Variants in GRIK2 observed in about 807,000 individuals in gnomAD.
The protein encoded by GRIK2 is glutamate ionotropic receptor kainate type subunit 2.
In GRIK2, 32 loss-of-function variants were observed where a neutral mutation model predicts 100.3. That is an observed-to-expected ratio of 0.32 (90% CI 0.24 to 0.43). The LOEUF (loss-of-function observed/expected upper bound fraction) is 0.43. Among genes scored for constraint, GRIK2 ranks in the 20% least tolerant of loss-of-function variants. The pLI is 1.00. For missense variants in GRIK2, 843 were observed against 1,114.9 expected (o/e 0.76, Z 3.47); for synonymous variants, 417 against 389.4 (o/e 1.07, Z -0.83).
At chr6:102,025,777 C>A (rs567201561) in intron 14 of GRIK2, among the ~76,000 whole-genome samples, 1 of 151,302 alleles carries the variant, frequency 6.6e-6, no homozygotes, top group African/African-American at 2.4e-5. Flanking sequence ...AATCTACGCA[C>A]ACACAGTGCG....
At chr6:101,767,573 T>C (rs1778115384) in intron 7 of GRIK2, among the ~76,000 whole-genome samples, 1 of 152,134 alleles carries the variant, frequency 6.6e-6, no homozygotes, top group South Asian at 2.1e-4. Context: ...TGGAAAAATA[T>C]ATTCTTAGAT....
intron 14 of GRIK2, among the ~76,000 whole-genome samples, chr6:101,933,234 A>C (rs571430838): frequency 6.6e-6 from 1 of 151,892 alleles, no homozygotes; most frequent in African/African-American, 2.4e-5. Flanking sequence ...TTGTTATCCA[A>C]CCATGCAAGT....
intron 4 of GRIK2, among the ~76,000 whole-genome samples, chr6:101,652,080 A>G (rs1038184011): frequency 6.6e-6 from 1 of 152,168 alleles, no homozygotes; most frequent in South Asian, 2.1e-4. Flanking sequence ...GTCATTGGCA[A>G]TCTTGCCAAG....
intron 11 of GRIK2, among the ~76,000 whole-genome samples, chr6:101,872,838 T>G (rs1207143761): frequency 6.6e-6 from 1 of 151,964 alleles, no homozygotes; most frequent in Non-Finnish European, 1.5e-5. Context: ...AGAATTTAAA[T>G]CCTTTGAAAG....
intron 10 of GRIK2, among the ~76,000 whole-genome samples, chr6:101,846,983 T>C (rs1196359786): frequency 6.6e-6 from 1 of 152,044 alleles, no homozygotes; most frequent in African/African-American, 2.4e-5. Context: ...ATTTTTTTTT[T>C]CTGTTCTCTC....
chr6:101,483,567 CATTTT>C (rs2128262445), intron 2 of GRIK2, among the ~76,000 whole-genome samples: 1 of 152,002 alleles, frequency 6.6e-6, no homozygotes, highest in African/African-American at 2.4e-5. Context: ...GTTTTTATTT[CATTTT>C]ATTTATTTAT....
At chr6:101,641,528 A>T (rs1346196947) in intron 4 of GRIK2, among the ~76,000 whole-genome samples, 1 of 152,002 alleles carries the variant, frequency 6.6e-6, no homozygotes, top group Non-Finnish European at 1.5e-5. Flanking sequence ...ATTACAAATG[A>T]TGAGCTTTTT....
At chr6:101,477,775 G>T (rs762097001) in intron 2 of GRIK2, among the ~76,000 whole-genome samples, 8 of 152,250 alleles carry the variant, frequency 5.3e-5, no homozygotes, top group African/African-American at 7.2e-5. Flanking sequence ...CATTCTTAGA[G>T]ACTTTTAGAA....
intron 12 of GRIK2, among the ~76,000 whole-genome samples, chr6:101,898,240 T>A (rs954006239): frequency 2.0e-5 from 3 of 151,806 alleles, no homozygotes; most frequent in Non-Finnish European, 4.4e-5. Flanking sequence ...TAATTTTAAC[T>A]TATTATGAAG....
chr6:101,885,295 G>C (rs1400677303), intron 11 of GRIK2, among the ~76,000 whole-genome samples: 2 of 152,028 alleles, frequency 1.3e-5, no homozygotes, highest in Non-Finnish European at 2.9e-5. Context: ...GTGTCTTATA[G>C]AATTCGAATA....
intron 15 of GRIK2, among the ~76,000 whole-genome samples, chr6:102,036,260 C>T (rs577056044): frequency 0.081 from 12,165 of 149,330 alleles, 1,703 homozygotes; most frequent in African/African-American, 0.29. Flanking sequence ...CACACACACA[C>T]ATATATATAT....
intron 2 of GRIK2, among the ~76,000 whole-genome samples, chr6:101,477,998 C>T (rs189693971): frequency 1.2e-4 from 18 of 152,166 alleles, no homozygotes; most frequent in Non-Finnish European, 2.2e-4. Flanking sequence ...CTACATGAAA[C>T]TTAAGTTTAG....
In GRIK2 at chr6:101,481,803, A is replaced by C. The variant is rs760925113; in HGVS notation, c.115+82411A>C. Among the ~76,000 whole-genome samples the C allele has an allele frequency of 2.0e-4, 31 of 152,210 alleles. No homozygotes were observed. In the Middle Eastern group the frequency reaches 0.027, roughly 134 times the overall value. On this transcript the variant is annotated intron_variant, in intron 2 of 16. Coordinates refer to ENST00000369134, the MANE Select transcript of GRIK2 (RefSeq NM_021956.5). The stretch of plus-strand genomic sequence containing the variant: ...TCTCTTCTCCAATTGCAATCCCCGT[A>C]ATCCCCACGTGTCAAGGGGAGGCCA...
chr6:101,952,225 A>G (rs1257869887), intron 14 of GRIK2, among the ~76,000 whole-genome samples: 1 of 152,158 alleles, frequency 6.6e-6, no homozygotes, highest in Admixed American at 6.5e-5. Context: ...AATTCTCTGG[A>G]GGTTCATCCA....
intron 7 of GRIK2, among the ~76,000 whole-genome samples, chr6:101,791,511 T>A (rs1472558702): frequency 6.6e-5 from 10 of 152,260 alleles, no homozygotes; most frequent in South Asian, 2.1e-4. Context: ...CATGTAGTTG[T>A]GCGGTTTTGA....
intron 14 of GRIK2, among the ~76,000 whole-genome samples, chr6:101,984,402 A>T (rs1402647791): frequency 6.6e-6 from 1 of 151,632 alleles, no homozygotes; most frequent in Non-Finnish European, 1.5e-5. Flanking sequence ...CAAGGAAAGA[A>T]TTGTCCCCTC....
chr6:101,550,735 T>C (rs1455799849), intron 2 of GRIK2, among the ~76,000 whole-genome samples: 3 of 152,182 alleles, frequency 2.0e-5, no homozygotes, highest in Admixed American at 2.0e-4. Flanking sequence ...TGCCTGCATA[T>C]ACACTGAAAG....
intron 2 of GRIK2, among the ~76,000 whole-genome samples, chr6:101,533,748 C>T (rs989177460): frequency 2.0e-5 from 3 of 151,918 alleles, no homozygotes; most frequent in Admixed American, 2.0e-4. Flanking sequence ...TGCCTAGGTA[C>T]AAGAGTTCAG....
rs1246485732 is a variant in GRIK2, at chr6:101,687,645, C to T, written c.951+1292C>T. On this transcript the variant is annotated intron_variant, in intron 7 of 16. Coordinates refer to ENST00000369134, the MANE Select transcript of GRIK2 (RefSeq NM_021956.5). ...GAAGAAATGGTTAGCCTAAAGGCAT[C>T]AACTTTCTGATGGAACAAAAAATAC... Among the ~76,000 whole-genome samples the T allele has an allele frequency of 2.0e-5, 3 of 151,808 alleles. No individual in the cohort carries two copies. The East Asian group carries it at 5.8e-4, about 29-fold the overall frequency.
Sources: gnomAD v4.1 joint callset for allele counts (sites outside exome capture counted in the v4.1 genomes callset) on GRCh38, gnomAD v4.1.1 for gene constraint, MANE v1.5 for transcripts, NCBI Gene and HGNC (gene_info 2026-07-23, HGNC 2026-07-21) for gene names.